The following BRINP1 variants were observed in gnomAD, a reference collection of about 807,000 sequenced individuals.
BRINP1 encodes the protein BMP/retinoic acid-inducible neural-specific protein 1.
BRINP1 carries 17 observed loss-of-function variants against 72.9 expected under a neutral mutation model. That is an observed-to-expected ratio of 0.23 (90% confidence interval 0.16 to 0.35). BRINP1 has a LOEUF of 0.35. BRINP1 is among the 10% of genes least tolerant of loss of function. BRINP1 has a pLI of 1.00. For synonymous variants in BRINP1, 418 were observed against 378.5 expected (o/e 1.10, Z -1.21); for missense variants, 850 against 1,001.6 (o/e 0.85, Z 2.04).
chr9:119,188,498 C>T (rs1829649494), intron 7 of BRINP1, among the ~76,000 whole-genome samples: 1 of 152,100 alleles, frequency 6.6e-6, no homozygotes, highest in African/African-American at 2.4e-5. Flanking sequence ...CATGGTGGCT[C>T]ACATCTGTAA....
intron 2 of BRINP1, among the ~76,000 whole-genome samples, chr9:119,303,387 A>C (rs1392944665): frequency 6.6e-6 from 1 of 151,248 alleles, no homozygotes; most frequent in Non-Finnish European, 1.5e-5. Context: ...TCCCTGAGGG[A>C]CAAATGTCCC....
chr9:119,286,204 G>A (rs922331572), intron 2 of BRINP1, among the ~76,000 whole-genome samples: 2 of 151,854 alleles, frequency 1.3e-5, no homozygotes, highest in Non-Finnish European at 2.9e-5. Context: ...GCATAGCTGA[G>A]GGCATCGAGA....
intron 7 of BRINP1, among the ~76,000 whole-genome samples, chr9:119,172,352 C>A (rs1180262924): frequency 6.6e-6 from 1 of 152,238 alleles, no homozygotes. Context: ...ACTACAAACA[C>A]CTCTACACAA....
intron 7 of BRINP1, among the ~76,000 whole-genome samples, chr9:119,173,640 A>C (rs1398788509): frequency 6.7e-6 from 1 of 149,422 alleles, no homozygotes; most frequent in Non-Finnish European, 1.5e-5. Flanking sequence ...GGAAAAAACT[A>C]CTTTAAAGTT....
At chr9:119,313,049 T>C (rs1250843556) in intron 2 of BRINP1, 89 bp downstream of exon 2, 1 of 1,445,402 alleles carries the variant, frequency 6.9e-7, no homozygotes, top group Non-Finnish European at 9.4e-7. Context: ...CAGACACTTC[T>C]GCACACAGCA....
intron 5 of BRINP1, among the ~76,000 whole-genome samples, chr9:119,220,203 T>C (rs1294505603): frequency 1.3e-5 from 2 of 151,998 alleles, no homozygotes; most frequent in Non-Finnish European, 2.9e-5. Flanking sequence ...AGGAAAAAAA[T>C]GGGGCTCACT....
intron 2 of BRINP1, among the ~76,000 whole-genome samples, chr9:119,303,515 C>T (rs764558138): frequency 2.0e-5 from 3 of 152,112 alleles, no homozygotes; most frequent in East Asian, 3.9e-4. Flanking sequence ...TCTCGCGAAT[C>T]GTGGGACGTG....
In BRINP1 at chr9:119,294,853, T is replaced by TAAAAAAAAAAAAAAAAAAAA. The variant is rs59715609; in HGVS notation, c.218+18284_218+18285insTTTTTTTTTTTTTTTTTTTT. 3.1e-5 allele frequency among the ~76,000 whole-genome samples: 4 copies of TAAAAAAAAAAAAAAAAAAAA among 128,024 alleles called. 1 individual carries two copies. Among genetic ancestry groups the TAAAAAAAAAAAAAAAAAAAA allele is most frequent in the Non-Finnish European group, 1.6e-5 (1 of 60,686 alleles). 84.0% of individuals were successfully genotyped at this position (128,024 alleles called of 152,430 possible). Reference sequence around the variant, plus strand: ...CCTGAGCAACAGAGTGACACTACGTTAAAAAAAAAAAAAAAAAAGACACAC... The same window carrying TAAAAAAAAAAAAAAAAAAAA: ...CCTGAGCAACAGAGTGACACTACGTTAAAAAAAAAAAAAAAAAAAAAAAAAAAAAAAAAAAAAAGACACAC... On this transcript the variant is annotated intron_variant, in intron 2 of 7. Transcript: ENST00000265922.
intron 1 of BRINP1, among the ~76,000 whole-genome samples, chr9:119,330,245 A>C (rs1219165904): frequency 6.6e-6 from 1 of 152,120 alleles, no homozygotes; most frequent in Non-Finnish European, 1.5e-5. Flanking sequence ...TTACCTCCTC[A>C]TCACCTGAAG....
intron 1 of BRINP1, among the ~76,000 whole-genome samples, chr9:119,339,043 A>G (rs1322658050): frequency 1.3e-5 from 2 of 152,198 alleles, no homozygotes; most frequent in African/African-American, 4.8e-5. Context: ...AGGGGAAGAT[A>G]AAACCTTAGC....
At chr9:119,183,896 C>T (rs770821669) in intron 7 of BRINP1, among the ~76,000 whole-genome samples, 2 of 152,058 alleles carry the variant, frequency 1.3e-5, no homozygotes, top group Non-Finnish European at 2.9e-5. Flanking sequence ...GGGACTAAAA[C>T]TCACCCATGC....
At chr9:119,232,759 C>T (rs1267283267) in intron 5 of BRINP1, among the ~76,000 whole-genome samples, 1 of 151,882 alleles carries the variant, frequency 6.6e-6, no homozygotes, top group Non-Finnish European at 1.5e-5. Flanking sequence ...TCTCTGCATC[C>T]CTTTCCACAT....
At chr9:119,284,023 G>T (rs534851082) in intron 2 of BRINP1, among the ~76,000 whole-genome samples, 14 of 152,286 alleles carry the variant, frequency 9.2e-5, no homozygotes, top group Non-Finnish European at 1.6e-4. Flanking sequence ...GAGACCGAAT[G>T]AATCCAAATC....
chr9:119,312,689 A>C (rs1419544194), intron 2 of BRINP1, among the ~76,000 whole-genome samples: 1 of 152,234 alleles, frequency 6.6e-6, no homozygotes, highest in Non-Finnish European at 1.5e-5. Flanking sequence ...AAACAACGTT[A>C]CTTATACTTG....
At chr9:119,244,945 T>A (rs1425433256) in intron 3 of BRINP1, among the ~76,000 whole-genome samples, 1 of 152,162 alleles carries the variant, frequency 6.6e-6, no homozygotes, top group Non-Finnish European at 1.5e-5. Flanking sequence ...TATTACTTTT[T>A]GAGTCAATAG....
intron 2 of BRINP1, among the ~76,000 whole-genome samples, chr9:119,250,916 A>G (rs1201306863): frequency 6.6e-6 from 1 of 152,168 alleles, no homozygotes; most frequent in Non-Finnish European, 1.5e-5. Context: ...ACAGGATGGG[A>G]GAGACGAATG....
intron 5 of BRINP1, among the ~76,000 whole-genome samples, chr9:119,236,931 T>A (rs1830197473): frequency 6.6e-6 from 1 of 152,204 alleles, no homozygotes; most frequent in Non-Finnish European, 1.5e-5. Flanking sequence ...TTGGCCTGAA[T>A]TTCCCTGAGG....
At chr9:119,219,373 A>T (rs1465258661) in intron 5 of BRINP1, among the ~76,000 whole-genome samples, 4 of 152,166 alleles carry the variant, frequency 2.6e-5, no homozygotes, top group Non-Finnish European at 5.9e-5. Context: ...TTCTTATATG[A>T]GGATTAAAAT....
chr9:119,354,630 C>T (rs1831540162), intron 1 of BRINP1, among the ~76,000 whole-genome samples: 1 of 151,884 alleles, frequency 6.6e-6, no homozygotes, highest in African/African-American at 2.4e-5. Flanking sequence ...GAGGTCAAGG[C>T]AGGAGGATCG....
Sources: gnomAD v4.1 joint callset for allele counts (sites outside exome capture counted in the v4.1 genomes callset) on GRCh38, gnomAD v4.1.1 for gene constraint, MANE v1.5 for transcripts, NCBI Gene and HGNC (gene_info 2026-07-23, HGNC 2026-07-21) for gene names.